ACTN4: variants seen among roughly 807,000 people sequenced by gnomAD.
The protein encoded by ACTN4 is alpha-actinin-4.
In ACTN4, 18 loss-of-function variants were observed where a neutral mutation model predicts 114.2. The observed-to-expected ratio is 0.16, with a 90% CI of 0.11 to 0.23. The LOEUF (loss-of-function observed/expected upper bound fraction) is 0.23, where lower values mean the gene tolerates loss of function less well. ACTN4 is among the 10% of genes least tolerant of loss of function. The pLI, the probability that ACTN4 is intolerant of heterozygous loss-of-function variation, is 1.00. For synonymous variants in ACTN4, 515 were observed against 506.3 expected (o/e 1.02, Z -0.23); for missense variants, 722 against 1,262.9 (o/e 0.57, Z 6.49).
Position 38,722,289 on chromosome 19 carries a change from C to T in ACTN4, c.1442+601C>T, listed in dbSNP as rs549608064. Among the ~76,000 whole-genome samples, 23 of 152,304 alleles carry T rather than the reference C, an allele frequency of 1.5e-4. No individual in the cohort carries two copies. In the South Asian group the frequency reaches 4.6e-3, roughly 30 times the overall value. On this transcript the variant is annotated intron_variant, in intron 12 of 20. Transcript: ENST00000252699. ...AGGGCGGGCCCAGGCAGCAGGAGGC[C>T]CAGGCCATTACTTCATGGAAAATCC...
intron 6 of ACTN4, among the ~76,000 whole-genome samples, chr19:38,708,505 C>T (rs535208905): frequency 5.3e-5 from 8 of 152,234 alleles, no homozygotes; most frequent in African/African-American, 1.4e-4. Flanking sequence ...GATTCTAGAA[C>T]CTCCTCTGCC....
In ACTN4 at chr19:38,694,344, C is replaced by T. The variant is rs369858548; in HGVS notation, c.163-6256C>T. 4.0e-5 allele frequency among the ~76,000 whole-genome samples: 6 copies of T among 151,844 alleles called. No homozygotes were observed. In the East Asian group the frequency reaches 1.2e-3, roughly 29 times the overall value. On this transcript the variant is annotated intron_variant, in intron 1 of 20. Coordinates refer to ENST00000252699, the MANE Select transcript of ACTN4 (RefSeq NM_004924.6). ...GCGCGATCTTGGCTCACTGCAACCTCTACCTCCCAGGTTCAAGCGATTCTC... is the reference window on the plus strand; with the variant it reads ...GCGCGATCTTGGCTCACTGCAACCTTTACCTCCCAGGTTCAAGCGATTCTC...
intron 1 of ACTN4, among the ~76,000 whole-genome samples, chr19:38,649,816 G>A (rs1976505961): frequency 6.6e-6 from 1 of 152,158 alleles, no homozygotes; most frequent in Non-Finnish European, 1.5e-5. Context: ...GCTGTTCCAA[G>A]GCAGCCTGAG....
chr19:38,713,979 A>G lies in ACTN4; in HGVS notation c.820-490A>G, dbSNP rs1022954318. Among the ~76,000 whole-genome samples the G allele has an allele frequency of 6.6e-5, 10 of 152,198 alleles. No individual in the cohort carries two copies. The East Asian group carries it at 1.5e-3, about 24-fold the overall frequency. ...TCTGTCCTCTGGAGCTCCTATTAAC[A>G]TTGCCTCCAAGGCAGGAGAGTGGAC... On this transcript the variant is annotated intron_variant, in intron 8 of 20. Coordinates refer to ENST00000252699, the MANE Select transcript of ACTN4 (RefSeq NM_004924.6).
At position 38,668,084 on chromosome 19, in the gene ACTN4, A is replaced by G. The variant is rs78887972; in HGVS notation, c.162+20177A>G. 4.1e-4 allele frequency among the ~76,000 whole-genome samples: 63 copies of G among 152,284 alleles called. 1 individual carries two copies. The highest frequency in any genetic ancestry group is 1.5e-3 in the African/African-American group (61 of 41,556). On this transcript the variant is annotated intron_variant, in intron 1 of 20. Coordinates refer to ENST00000252699, the MANE Select transcript of ACTN4 (RefSeq NM_004924.6). The stretch of plus-strand genomic sequence containing the variant: ...GGGTGATTACTCAGATGAGGTTGTA[A>G]TGTGGTGTCTCATTTCATGCTTTGC...
intron 12 of ACTN4, among the ~76,000 whole-genome samples, chr19:38,722,196 C>T (rs945177181): frequency 2.6e-5 from 4 of 152,150 alleles, no homozygotes; most frequent in Middle Eastern, 3.2e-3. Flanking sequence ...AACTTGTGTA[C>T]ACAATTAGTA....
intron 1 of ACTN4, among the ~76,000 whole-genome samples, chr19:38,656,531 T>C (rs1281970405): frequency 6.6e-6 from 1 of 152,214 alleles, no homozygotes; most frequent in Non-Finnish European, 1.5e-5. Context: ...TTTAAATGTT[T>C]TTCTTCCAAA....
chr19:38,673,655 T>A (rs1420540560), intron 1 of ACTN4, among the ~76,000 whole-genome samples: 2 of 29,332 alleles, frequency 6.8e-5, no homozygotes, highest in African/African-American at 1.9e-4. Flanking sequence ...ATTTATATAT[T>A]TATATATATT....
chr19:38,722,005 C>A (rs899838992), intron 12 of ACTN4: 24 of 444,058 alleles, frequency 5.4e-5, no homozygotes, highest in Non-Finnish European at 9.2e-5. Flanking sequence ...CCAAGTAGGC[C>A]CTGGTCCCCT....
At chr19:38,711,426 T>G in intron 8 of ACTN4, 2 of 812,902 alleles carry the variant, frequency 2.5e-6, no homozygotes, top group South Asian at 5.5e-5. Flanking sequence ...CGCCCTTGCA[T>G]CACCGCTGGC....
chr19:38,649,281 G>A (rs1198804943), intron 1 of ACTN4, among the ~76,000 whole-genome samples: 7 of 108,548 alleles, frequency 6.4e-5, no homozygotes, highest in African/African-American at 1.4e-4. Flanking sequence ...GTGGGGGGGG[G>A]ATAAATCCAG....
rs779523017 is a variant in ACTN4, at chr19:38,705,034, G to A, written c.484+14G>A. On this transcript the variant is annotated intron_variant, in intron 4 of 20. Coordinates refer to ENST00000252699, the MANE Select transcript of ACTN4 (RefSeq NM_004924.6). ...TCTCCGTGGAAGGTGACAGCCACCT[G>A]TACTGCCCCCGCTTCCCACCTGAGT... is the stretch of plus-strand genomic sequence containing the variant. 5.0e-6 allele frequency: 8 copies of A among 1,612,208 alleles called. No homozygotes were observed. The South Asian group carries it at 5.5e-5, about 11-fold the overall frequency.
At chr19:38,658,826 A>G (rs984868776) in intron 1 of ACTN4, among the ~76,000 whole-genome samples, 1 of 151,882 alleles carries the variant, frequency 6.6e-6, no homozygotes, top group Admixed American at 6.6e-5. Context: ...TGAGGCAGTT[A>G]CTTTTTTTTT....
In ACTN4 at chr19:38,717,709, C is replaced by T. The variant is rs1968890668; in HGVS notation, c.1144-218C>T. ...TATGGTATTCATCCATTCATTCATG[C>T]ACTCACCCGTTCACGCATTCATTTT... On this transcript the variant is annotated intron_variant, in intron 10 of 20. Coordinates refer to ENST00000252699, the MANE Select transcript of ACTN4 (RefSeq NM_004924.6). This position sits in a 1 kb window ranked among gnomAD's most constrained non-coding sequence, Gnocchi z 4.0. 6.6e-6 allele frequency among the ~76,000 whole-genome samples: 1 copy of T among 152,200 alleles called. No individual in the cohort carries two copies. The highest frequency in any genetic ancestry group is 1.5e-5 in the Non-Finnish European group (1 of 68,034).
At chr19:38,666,175 C>A (rs1458207737) in intron 1 of ACTN4, among the ~76,000 whole-genome samples, 1 of 152,128 alleles carries the variant, frequency 6.6e-6, no homozygotes, top group Non-Finnish European at 1.5e-5. Flanking sequence ...CCGCGCCCCC[C>A]CCTTTCCTGG....
intron 1 of ACTN4, among the ~76,000 whole-genome samples, chr19:38,692,065 A>G (rs551941185): frequency 5.7e-4 from 86 of 151,958 alleles, no homozygotes; most frequent in African/African-American, 1.9e-3. Context: ...AATGCTCGCT[A>G]CCCCACTCAG....
intron 1 of ACTN4, among the ~76,000 whole-genome samples, chr19:38,666,234 A>G (rs1450340745): frequency 2.0e-5 from 3 of 151,740 alleles, no homozygotes. Context: ...CCCCCCCAAA[A>G]GCAATCAAAT....
At position 38,729,133 on chromosome 19, in the gene ACTN4, C is replaced by T. The variant is rs768627358; in HGVS notation, c.2556C>T (p.Phe852=). The part of the protein sequence containing the change: ...TDTADQVIAS[F]KVLAGDKNFI... The stretch of plus-strand genomic sequence containing the variant: ...CGGCTGACCAGGTCATCGCTTCCTT[C>T]AAGGTCTTAGCAGGGGACAAGGTGA... Residue 852 remains phenylalanine, a synonymous_variant, in exon 20 of 21, where the codon TTC becomes TTT. Coordinates refer to ENST00000252699, the MANE Select transcript of ACTN4 (RefSeq NM_004924.6). 3.1e-6 allele frequency: 5 copies of T among 1,613,058 alleles called. No homozygotes were observed. In the African/African-American group the frequency reaches 4.0e-5, roughly 13 times the overall value.
At chr19:38,698,118 G>C (rs1422047323) in intron 1 of ACTN4, among the ~76,000 whole-genome samples, 1 of 152,176 alleles carries the variant, frequency 6.6e-6, no homozygotes. Flanking sequence ...CACTGTGGAG[G>C]GGGTGGGCAG....
Sources: allele counts gnomAD v4.1 joint callset (sites outside exome capture counted in the v4.1 genomes callset), GRCh38; gene constraint gnomAD v4.1.1; non-coding constraint Gnocchi (gnomAD v3.1); transcripts MANE v1.5; gene names NCBI Gene and HGNC (gene_info 2026-07-23, HGNC 2026-07-21).